SCTR: variants seen among roughly 807,000 people sequenced by gnomAD.
SCTR encodes secretin receptor, also known as pancreatic secretin receptor.
SCTR carries 56 observed loss-of-function variants against 60.8 expected under a neutral mutation model. The observed-to-expected ratio is 0.92, with a 90% CI of 0.74 to 1.15. The LOEUF (loss-of-function observed/expected upper bound fraction) is 1.15, where lower values mean the gene tolerates loss of function less well. Among genes scored for constraint, SCTR ranks in the 50% most tolerant of loss-of-function variants. The pLI is 0.00. For synonymous variants in SCTR, 202 were observed against 217.0 expected (o/e 0.93, Z 0.61); for missense variants, 562 against 550.4 (o/e 1.02, Z -0.21).
At chr2:119,468,028 C>T (rs6705425) in intron 4 of SCTR, among the ~76,000 whole-genome samples, 10,876 of 151,382 alleles carry the variant, frequency 0.072, 1,267 homozygotes, top group African/African-American at 0.25. Flanking sequence ...ATAAAGAAAA[C>T]AAAAAAACTG....
intron 8 of SCTR, among the ~76,000 whole-genome samples, chr2:119,452,780 C>T (rs891294544): frequency 6.6e-6 from 1 of 152,144 alleles, no homozygotes; most frequent in African/African-American, 2.4e-5. Context: ...TCGCTGCTGC[C>T]CTGCTGCCTC....
chr2:119,494,581 G>C (rs1435648779), intron 1 of SCTR, 33 bp from the exon 2 acceptor site: 1 of 1,611,190 alleles, frequency 6.2e-7, no homozygotes, highest in Non-Finnish European at 8.5e-7. Context: ...GCTCATCATT[G>C]CCACTAACTC....
At chr2:119,488,368 G>A (rs1184154479) in intron 2 of SCTR, among the ~76,000 whole-genome samples, 3 of 152,220 alleles carry the variant, frequency 2.0e-5, no homozygotes, top group Non-Finnish European at 4.4e-5. Context: ...AGTAAGGTCC[G>A]GAAGAGAGGG....
intron 1 of SCTR, among the ~76,000 whole-genome samples, chr2:119,511,350 A>G (rs1678924245): frequency 6.6e-6 from 1 of 152,200 alleles, no homozygotes; most frequent in African/African-American, 2.4e-5. Flanking sequence ...CATATATTAC[A>G]TATACTAATC....
intron 7 of SCTR, among the ~76,000 whole-genome samples, chr2:119,460,963 CTT>C (rs2104796695): frequency 6.6e-6 from 1 of 152,304 alleles, no homozygotes; most frequent in East Asian, 1.9e-4. Flanking sequence ...GATGGAGTCT[CTT>C]TCTTTCTCTC....
intron 12 of SCTR, 97 bp from the exon 13 acceptor site, chr2:119,440,354 T>C: frequency 7.1e-7 from 1 of 1,402,408 alleles, no homozygotes; most frequent in Non-Finnish European, 9.7e-7. Flanking sequence ...GCCCTGCCAC[T>C]CCTGCCCAGC....
intron 1 of SCTR, among the ~76,000 whole-genome samples, chr2:119,497,309 T>A (rs2104908980): frequency 6.6e-6 from 1 of 151,316 alleles, no homozygotes; most frequent in South Asian, 2.1e-4. Flanking sequence ...TTTCACCTGG[T>A]CATAAGAAGG....
rs761283091 is a variant in SCTR at position 119,524,183 on chromosome 2, G to C, written c.44C>G (p.Pro15Arg). Residue 15 changes from proline (P) to arginine (R), a missense_variant, in exon 1 of 13, where the codon CCG (proline) becomes CGG (arginine). Coordinates refer to ENST00000019103, the MANE Select transcript of SCTR (RefSeq NM_002980.3). ...LSPPLQQLLL[P>R]VLLACAAHST... ...GTGCGCGGCGCAGGCGAGCAGCACC[G>C]GCAGTAGTAGCTGCTGCAGCGGCGG... 5 of 1,530,654 alleles carry C rather than the reference G, an allele frequency of 3.3e-6. No homozygotes were observed. In the South Asian group the frequency reaches 4.8e-5, roughly 15 times the overall value. The allele number at this position is 1,530,654 out of a possible 1,614,324, so 94.8% of individuals were successfully genotyped here. A position where few individuals can be genotyped will look rare whatever the true frequency, so the allele number is the denominator to read the frequency against.
chr2:119,474,262 T>A (rs992711893), intron 3 of SCTR, among the ~76,000 whole-genome samples: 1 of 152,188 alleles, frequency 6.6e-6, no homozygotes, highest in Non-Finnish European at 1.5e-5. Flanking sequence ...AAACGCGGGC[T>A]GGCTGGCTGG....
At chr2:119,487,914 C>G (rs376215809) in intron 2 of SCTR, among the ~76,000 whole-genome samples, 24 of 152,152 alleles carry the variant, frequency 1.6e-4, no homozygotes, top group Non-Finnish European at 2.8e-4. Context: ...CCCCTCCCCC[C>G]ACACAGGTGT....
chr2:119,502,730 A>T (rs1409852405), intron 1 of SCTR, among the ~76,000 whole-genome samples: 2 of 151,906 alleles, frequency 1.3e-5, no homozygotes, highest in East Asian at 3.9e-4. Flanking sequence ...TGTGGCTCAC[A>T]CTTGTAATCC....
In SCTR at chr2:119,440,050, A is replaced by G; in HGVS notation, c.*67T>C. The stretch of plus-strand genomic sequence containing the variant: ...GTCTGCTGGGAAGACTGGCTGTCCC[A>G]CAGCAGTGCCCAGCCTTCGCAGGAC... On this transcript the variant is annotated 3_prime_UTR_variant, in exon 13 of 13. Transcript: ENST00000019103. 6.6e-7 allele frequency: 1 copy of G among 1,509,154 alleles called. No individual in the cohort carries two copies. The highest frequency in any genetic ancestry group is 9.1e-7 in the Non-Finnish European group (1 of 1,104,706). The allele number at this position is 1,509,154 out of a possible 1,614,324, so 93.5% of individuals were successfully genotyped here.
intron 1 of SCTR, among the ~76,000 whole-genome samples, chr2:119,510,766 CT>C (rs1050081677): frequency 3.3e-5 from 5 of 150,374 alleles, no homozygotes; most frequent in African/African-American, 1.0e-4. Flanking sequence ...CACACTGAGC[CT>C]TTTTTTTAAA....
In SCTR at chr2:119,488,491, G is replaced by A. The variant is rs571143999; in HGVS notation, c.193+5937C>T. Among the ~76,000 whole-genome samples the A allele has an allele frequency of 1.2e-4, 18 of 152,372 alleles. No individual in the cohort carries two copies. The East Asian group carries it at 2.1e-3, about 18-fold the overall frequency. ...GCACGGTCAGGACCTGGCGGAAAGC[G>A]CTGGTTCACTGCATGGGGAGCCTTA... On this transcript the variant is annotated intron_variant, in intron 2 of 12. Coordinates refer to ENST00000019103, the MANE Select transcript of SCTR (RefSeq NM_002980.3).
At chr2:119,513,965 AAAG>A (rs1423079747) in intron 1 of SCTR, among the ~76,000 whole-genome samples, 1 of 152,318 alleles carries the variant, frequency 6.6e-6, no homozygotes, top group African/African-American at 2.4e-5. Flanking sequence ...GTAATTTTTT[AAAG>A]AAGAAGTGCT....
chr2:119,504,383 G>C (rs149178886), intron 1 of SCTR, among the ~76,000 whole-genome samples: 1 of 151,892 alleles, frequency 6.6e-6, no homozygotes, highest in Non-Finnish European at 1.5e-5. Context: ...ACCTGGGATC[G>C]GGAGTTCGAG....
Position 119,444,351 on chromosome 2 carries a change from G to A in SCTR, c.1140+2408C>T, listed in dbSNP as rs907697387. On this transcript the variant is annotated intron_variant, in intron 11 of 12. Coordinates refer to ENST00000019103, the MANE Select transcript of SCTR (RefSeq NM_002980.3). ...TATGAATATATATACACATATATAC[G>A]TATGAATATATATACACATATATAC... Among the ~76,000 whole-genome samples, 10 of 144,464 alleles carry A rather than the reference G, an allele frequency of 6.9e-5. 1 individual carries two copies. The highest frequency in any genetic ancestry group is 2.3e-4 in the African/African-American group (9 of 39,324). The allele number at this position is 144,464 out of a possible 152,430, so 94.8% of individuals were successfully genotyped here. A position where few individuals can be genotyped will look rare whatever the true frequency, so the allele number is the denominator to read the frequency against.
chr2:119,462,082 G>T, intron 6 of SCTR, 82 bp from the exon 7 acceptor site: 1 of 1,384,450 alleles, frequency 7.2e-7, no homozygotes, highest in Non-Finnish European at 9.8e-7. Context: ...GAGCAACAGG[G>T]TGTTGTAGGG....
At chr2:119,457,822 G>A (rs560894958) in intron 7 of SCTR, among the ~76,000 whole-genome samples, 27 of 152,294 alleles carry the variant, frequency 1.8e-4, no homozygotes, top group African/African-American at 6.3e-4. Flanking sequence ...TTAGAAACAC[G>A]AGAGTAAATC....
Sources: allele counts gnomAD v4.1 joint callset (sites outside exome capture counted in the v4.1 genomes callset), GRCh38; gene constraint gnomAD v4.1.1; transcripts MANE v1.5; gene names NCBI Gene and HGNC (gene_info 2026-07-23, HGNC 2026-07-21).